TMEM144: variants seen among roughly 807,000 people sequenced by gnomAD.
The protein encoded by TMEM144 is transmembrane protein 144.
In TMEM144, 39 loss-of-function variants were observed where a neutral mutation model predicts 43.6. That is an observed-to-expected ratio of 0.90 (90% CI 0.69 to 1.17). TMEM144 has a LOEUF of 1.17. Among genes scored for constraint, TMEM144 ranks in the 50% most tolerant of loss-of-function variants. TMEM144 has a pLI of 0.00. For missense variants in TMEM144, 417 were observed against 411.9 expected, an observed-to-expected ratio of 1.01 and a Z score of -0.11; for synonymous variants, 154 against 133.6, an observed-to-expected ratio of 1.15 and a Z score of -1.06.
chr4:158,251,836 A>C (rs1201745603), intron 12 of TMEM144, among the ~76,000 whole-genome samples: 5 of 152,160 alleles, frequency 3.3e-5, no homozygotes, highest in Non-Finnish European at 7.4e-5. Flanking sequence ...TTCTCTCTTG[A>C]GTATGTCCGC....
At chr4:158,252,216 G>A (rs1427510435) in intron 12 of TMEM144, among the ~76,000 whole-genome samples, 1 of 152,086 alleles carries the variant, frequency 6.6e-6, no homozygotes, top group Non-Finnish European at 1.5e-5. Flanking sequence ...ATTCAAAGAT[G>A]GGCTGGGCAA....
Position 158,253,716 on chromosome 4 carries a change from A to C in TMEM144, c.*189A>C. 1.8e-6 allele frequency: 1 copy of C among 570,200 alleles called. No individual in the cohort carries two copies. Among genetic ancestry groups the C allele is most frequent in the Non-Finnish European group, 3.1e-6 (1 of 320,948 alleles). 35.3% of individuals were successfully genotyped at this position (570,200 alleles called of 1,614,324 possible). A position where few individuals can be genotyped will look rare whatever the true frequency, so the allele number is the denominator to read the frequency against. On this transcript the variant is annotated 3_prime_UTR_variant, in exon 13 of 13. Coordinates refer to ENST00000296529, the MANE Select transcript of TMEM144 (RefSeq NM_018342.5). ...AAGATTGAGTTTCATTCAAGTATAA[A>C]AATGAAAATTTCTTCTGATGAACTG...
intron 12 of TMEM144, among the ~76,000 whole-genome samples, chr4:158,246,793 T>C (rs1343967934): frequency 6.6e-6 from 1 of 152,012 alleles, no homozygotes; most frequent in Non-Finnish European, 1.5e-5. Context: ...AAATTAGTCA[T>C]CATAGTTTAT....
In TMEM144 at chr4:158,222,808, G is replaced by A. The variant is rs138555822; in HGVS notation, c.413+3418G>A. ...ACACAATTTTTACTAAGTGTGTGAT[G>A]TACGGGATTGCAAATCTAGGGAAGC... On this transcript the variant is annotated intron_variant, in intron 6 of 12. Coordinates refer to ENST00000296529, the MANE Select transcript of TMEM144 (RefSeq NM_018342.5). 2.0e-4 allele frequency among the ~76,000 whole-genome samples: 30 copies of A among 152,324 alleles called. No homozygotes were observed. The East Asian group carries it at 5.4e-3, about 27-fold the overall frequency.
At chr4:158,224,421 C>G (rs1360494962) in intron 6 of TMEM144, among the ~76,000 whole-genome samples, 1 of 152,000 alleles carries the variant, frequency 6.6e-6, no homozygotes, top group Non-Finnish European at 1.5e-5. Context: ...TAATTAGATC[C>G]CACTTATGAG....
chr4:158,227,697 A>G (rs935876020), intron 6 of TMEM144, among the ~76,000 whole-genome samples: 1 of 152,208 alleles, frequency 6.6e-6, no homozygotes, highest in Admixed American at 6.5e-5. Context: ...GTATAGAACC[A>G]GTAACCAAAC....
intron 10 of TMEM144, among the ~76,000 whole-genome samples, chr4:158,240,705 C>A (rs1735591165): frequency 1.3e-5 from 2 of 152,118 alleles, no homozygotes; most frequent in African/African-American, 4.8e-5. Flanking sequence ...TTTTCCTGTG[C>A]CAAACATCTT....
intron 12 of TMEM144, among the ~76,000 whole-genome samples, chr4:158,248,123 T>TAAAAAA (rs753919532): frequency 1.0e-5 from 1 of 99,622 alleles, no homozygotes; most frequent in Non-Finnish European, 2.1e-5. Context: ...AGCAAAGAAT[T>TAAAAAA]AAAAAAAAAA....
intron 6 of TMEM144, among the ~76,000 whole-genome samples, chr4:158,222,774 C>T (rs754331120): frequency 6.6e-6 from 1 of 152,184 alleles, no homozygotes; most frequent in East Asian, 1.9e-4. Context: ...CGTAACTGCA[C>T]GTGCACACAC....
intron 12 of TMEM144, 150 bp downstream of exon 12, chr4:158,244,499 G>A (rs1371477501): frequency 1.4e-5 from 8 of 573,896 alleles, no homozygotes; most frequent in African/African-American, 4.0e-5. Flanking sequence ...GTGAAACCCC[G>A]TCTCTACTAA....
At chr4:158,219,202 G>A in intron 5 of TMEM144, 108 bp from the exon 6 acceptor site, 1 of 999,012 alleles carries the variant, frequency 1.0e-6, no homozygotes, top group Non-Finnish European at 1.6e-6. Context: ...TAATAAGTGA[G>A]AGAGCTAGCA....
intron 5 of TMEM144, among the ~76,000 whole-genome samples, chr4:158,218,971 G>C (rs926074974): frequency 5.9e-5 from 9 of 152,038 alleles, no homozygotes; most frequent in African/African-American, 2.2e-4. Context: ...AAATTAGCCA[G>C]GCGTGGTAAC....
intron 6 of TMEM144, among the ~76,000 whole-genome samples, chr4:158,222,098 C>T (rs575174410): frequency 1.4e-5 from 2 of 145,298 alleles, no homozygotes; most frequent in East Asian, 3.9e-4. Context: ...TTGAATGTTT[C>T]ACAAGTTCTT....
Position 158,239,942 on chromosome 4 carries a change from G to A in TMEM144, c.683-357G>A, listed in dbSNP as rs564477210. ...ACTCTGTTGCCCAGGCTGGAGTGCAGTGGCATGATCTCTGCTCACTTCAAG... is the reference window on the plus strand; with the variant it reads ...ACTCTGTTGCCCAGGCTGGAGTGCAATGGCATGATCTCTGCTCACTTCAAG... On this transcript the variant is annotated intron_variant, in intron 9 of 12. Coordinates refer to ENST00000296529, the MANE Select transcript of TMEM144 (RefSeq NM_018342.5). 1.4e-4 allele frequency among the ~76,000 whole-genome samples: 21 copies of A among 150,544 alleles called. No homozygotes were observed. The East Asian group carries it at 3.7e-3, about 27-fold the overall frequency.
At chr4:158,250,112 GATTCTTT>G (rs1736120130) in intron 12 of TMEM144, among the ~76,000 whole-genome samples, 1 of 150,294 alleles carries the variant, frequency 6.7e-6, no homozygotes. Context: ...TATCTACTCT[GATTCTTT>G]AAGTTGAAGA....
chr4:158,215,440 A>T (rs1209429062), intron 4 of TMEM144, 127 bp downstream of exon 4: 2 of 1,171,392 alleles, frequency 1.7e-6, no homozygotes, highest in Non-Finnish European at 2.3e-6. Flanking sequence ...ACTAGAAATT[A>T]ACTAGTTTCT....
At position 158,212,769 on chromosome 4, in the gene TMEM144, T is replaced by G. The variant is rs747949301; in HGVS notation, c.102T>G (p.Thr34=). ...SNFVPLKKFD[T]GDGMFLQWVL... ...TTGTGCCACTTAAAAAATTTGATAC[T>G]GGTGATGGTAATTATTTTTCCTTGA... Residue 34 remains threonine, a synonymous_variant, in exon 3 of 13, where the codon ACT becomes ACG. Coordinates refer to ENST00000296529, the MANE Select transcript of TMEM144 (RefSeq NM_018342.5). 2.7e-5 allele frequency: 43 copies of G among 1,608,402 alleles called. No individual in the cohort carries two copies. The highest frequency in any genetic ancestry group is 3.7e-5 in the Non-Finnish European group (43 of 1,174,968).
intron 6 of TMEM144, among the ~76,000 whole-genome samples, chr4:158,232,348 A>C (rs889192854): frequency 5.9e-5 from 9 of 152,242 alleles, no homozygotes; most frequent in Non-Finnish European, 1.0e-4. Context: ...ATAGTATTCC[A>C]TTGCATGACC....
At chr4:158,233,069 G>A in intron 7 of TMEM144, 87 bp downstream of exon 7, 1 of 1,056,828 alleles carries the variant, frequency 9.5e-7, no homozygotes, top group Non-Finnish European at 1.4e-6. Flanking sequence ...AGATGAAAAA[G>A]TGGTGTTTGC....
Sources: allele counts gnomAD v4.1 joint callset (sites outside exome capture counted in the v4.1 genomes callset), GRCh38; gene constraint gnomAD v4.1.1; transcripts MANE v1.5; gene names NCBI Gene and HGNC (gene_info 2026-07-23, HGNC 2026-07-21).